The following SPECC1L variants were observed in gnomAD, a reference collection of about 807,000 sequenced individuals.
SPECC1L encodes the protein sperm antigen with calponin homology and coiled-coil domains 1 like.
A neutral mutation model predicts 116.8 loss-of-function variants in SPECC1L; 40 were observed. The observed-to-expected ratio is 0.34, with a 90% CI of 0.27 to 0.45. The LOEUF (loss-of-function observed/expected upper bound fraction) is 0.45, where lower values mean the gene tolerates loss of function less well. Among genes scored for constraint, SPECC1L ranks in the 20% least tolerant of loss-of-function variants. SPECC1L has a pLI of 1.00. For synonymous variants in SPECC1L, 504 were observed against 500.6 expected (o/e 1.01, Z -0.09); for missense variants, 1,110 against 1,373.6 (o/e 0.81, Z 3.03).
intron 1 of SPECC1L, among the ~76,000 whole-genome samples, chr22:24,272,247 C>T (rs929255366): frequency 6.6e-6 from 1 of 151,552 alleles, no homozygotes; most frequent in East Asian, 1.9e-4. Context: ...CGCCTGTAAT[C>T]CCAGCTACTC....
chr22:24,353,251 T>C (rs1214292774), intron 11 of SPECC1L, among the ~76,000 whole-genome samples: 3 of 152,312 alleles, frequency 2.0e-5, no homozygotes, highest in South Asian at 4.1e-4. Flanking sequence ...GCTCCTACTT[T>C]CCATTTAGTT....
intron 2 of SPECC1L, among the ~76,000 whole-genome samples, chr22:24,296,995 G>A (rs1249721497): frequency 6.7e-6 from 1 of 148,234 alleles, no homozygotes; most frequent in African/African-American, 2.5e-5. Flanking sequence ...ACCCAGGACA[G>A]AGTGTAGTGG....
chr22:24,284,027 C>T (rs1057491067), intron 2 of SPECC1L, among the ~76,000 whole-genome samples: 1 of 152,006 alleles, frequency 6.6e-6, no homozygotes, highest in Non-Finnish European at 1.5e-5. Context: ...TTTCTTGATC[C>T]TCTCAACCCA....
intron 14 of SPECC1L, among the ~76,000 whole-genome samples, chr22:24,392,813 C>A (rs1368927521): frequency 6.6e-6 from 1 of 152,218 alleles, no homozygotes; most frequent in African/African-American, 2.4e-5. Context: ...CTCATCTCAT[C>A]TCCGCTCTAC....
chr22:24,351,984 G>A (rs1381184976), intron 11 of SPECC1L, among the ~76,000 whole-genome samples: 5 of 148,858 alleles, frequency 3.4e-5, no homozygotes, highest in Non-Finnish European at 4.5e-5. Context: ...GCGAGACTCT[G>A]TCTCAAAAAA....
intron 3 of SPECC1L, among the ~76,000 whole-genome samples, chr22:24,311,919 G>C (rs1410125868): frequency 7.2e-6 from 1 of 139,196 alleles, no homozygotes; most frequent in Non-Finnish European, 1.5e-5. Flanking sequence ...AATTACTAGA[G>C]TTGAATTCTG....
intron 8 of SPECC1L, among the ~76,000 whole-genome samples, chr22:24,331,088 A>G (rs1458849043): frequency 6.6e-6 from 1 of 152,210 alleles, no homozygotes; most frequent in Non-Finnish European, 1.5e-5. Flanking sequence ...CCCATGTAAC[A>G]TAGACATCAT....
At chr22:24,339,458 T>C (rs998877275) in intron 10 of SPECC1L, among the ~76,000 whole-genome samples, 10 of 152,220 alleles carry the variant, frequency 6.6e-5, no homozygotes, top group Non-Finnish European at 1.3e-4. Context: ...CTCCGTGCCA[T>C]TGTGGAATGC....
At chr22:24,286,862 C>T (rs1399627046) in intron 2 of SPECC1L, among the ~76,000 whole-genome samples, 1 of 152,160 alleles carries the variant, frequency 6.6e-6, no homozygotes, top group Non-Finnish European at 1.5e-5. Flanking sequence ...GAGCTGAGAT[C>T]GCGCCACTGC....
chr22:24,307,524 A>G (rs1324585259), intron 3 of SPECC1L, among the ~76,000 whole-genome samples: 1 of 151,948 alleles, frequency 6.6e-6, no homozygotes, highest in African/African-American at 2.4e-5. Flanking sequence ...CTTCATGAAC[A>G]GCAGTTATTT....
At chr22:24,401,487 A>G (rs1040695689) in intron 14 of SPECC1L, among the ~76,000 whole-genome samples, 1 of 152,196 alleles carries the variant, frequency 6.6e-6, no homozygotes, top group Non-Finnish European at 1.5e-5. Flanking sequence ...CATTCTGGGT[A>G]ATTCTGTCAC....
intron 14 of SPECC1L, among the ~76,000 whole-genome samples, chr22:24,379,713 A>G (rs1406748192): frequency 6.6e-6 from 1 of 152,172 alleles, no homozygotes; most frequent in Non-Finnish European, 1.5e-5. Flanking sequence ...CACTTCTTTG[A>G]TGATACATAT....
chr22:24,363,769 T>C (rs1358145230), intron 12 of SPECC1L, among the ~76,000 whole-genome samples: 3 of 152,184 alleles, frequency 2.0e-5, no homozygotes, highest in African/African-American at 4.8e-5. Flanking sequence ...GCTAGAAATA[T>C]ATAAGCATGT....
chr22:24,383,742 T>A (rs2042103512), intron 14 of SPECC1L, among the ~76,000 whole-genome samples: 1 of 150,316 alleles, frequency 6.7e-6, no homozygotes, highest in African/African-American at 2.4e-5. Flanking sequence ...GTTCAAGTGA[T>A]GCTCCTGCCT....
At chr22:24,340,682 T>A (rs1394784977) in intron 10 of SPECC1L, among the ~76,000 whole-genome samples, 1 of 152,150 alleles carries the variant, frequency 6.6e-6, no homozygotes, top group Admixed American at 6.5e-5. Context: ...ATGAGCTACA[T>A]TCAGTAGCTT....
rs2041010768 is a variant in SPECC1L at position 24,334,548 on chromosome 22, C to T, written c.2535C>T (p.Ile845=). 1 of 1,614,214 alleles carries T rather than the reference C, an allele frequency of 6.2e-7. No individual in the cohort carries two copies. The highest frequency in any genetic ancestry group is 8.5e-7 in the Non-Finnish European group (1 of 1,180,044). ...CAACTCCTACAGTAAAAACCCTCAT[C>T]AAGTCCTTTGACAGTGCATCTCAAG... ...SEPTPTVKTL[I]KSFDSASQVP... Residue 845 remains isoleucine (I), a synonymous_variant, in exon 9 of 17, where the codon ATC becomes ATT. Coordinates refer to ENST00000314328, the MANE Select transcript of SPECC1L (RefSeq NM_015330.6).
Position 24,321,383 on chromosome 22 carries a change from A to G in SPECC1L, c.403A>G (p.Ser135Gly), listed in dbSNP as rs200649219. 1 of 1,614,150 alleles carries G rather than the reference A, an allele frequency of 6.2e-7. No homozygotes were observed. The highest frequency in any genetic ancestry group is 1.3e-5 in the African/African-American group (1 of 74,954). The change falls in exon 5 of 17, where the codon AGC becomes GGC. Residue 135 changes from serine to glycine, a missense_variant. By Grantham distance (56) the Ser-to-Gly change is moderately conservative. Coordinates refer to ENST00000314328, the MANE Select transcript of SPECC1L (RefSeq NM_015330.6). ...RLRERTRLNQSKKLPSAGQGA... is the reference protein window; with the variant it reads ...RLRERTRLNQGKKLPSAGQGA... The stretch of plus-strand genomic sequence containing the variant: ...ACGTGAACGTACCCGATTAAACCAG[A>G]GCAAAAAACTACCTTCTGCAGGTCA...
At chr22:24,356,591 TCA>T (rs2041538028) in intron 11 of SPECC1L, among the ~76,000 whole-genome samples, 3 of 152,316 alleles carry the variant, frequency 2.0e-5, no homozygotes, top group Non-Finnish European at 4.4e-5. Flanking sequence ...GGTATATAGT[TCA>T]GTCTTTTTTA....
intron 6 of SPECC1L, among the ~76,000 whole-genome samples, chr22:24,327,894 A>G (rs1188355201): frequency 6.6e-6 from 1 of 152,238 alleles, no homozygotes; most frequent in Non-Finnish European, 1.5e-5. Context: ...ACACACTTGG[A>G]ACACACACAA....
Sources: allele counts gnomAD v4.1 joint callset (sites outside exome capture counted in the v4.1 genomes callset), GRCh38; gene constraint gnomAD v4.1.1; transcripts MANE v1.5; gene names NCBI Gene and HGNC (gene_info 2026-07-23, HGNC 2026-07-21).